The following DEDD2 variants were observed in gnomAD, a reference collection of about 807,000 sequenced individuals.
DEDD2 encodes death effector domain containing 2, also known as DNA-binding death effector domain-containing protein 2.
DEDD2 carries 18 observed loss-of-function variants against 28.9 expected under a neutral mutation model. The ratio of observed to expected loss-of-function variants is 0.62; its 90% CI spans 0.43 to 0.92. DEDD2 has a LOEUF of 0.92. Ranked by LOEUF, DEDD2 falls within the 40% of genes least tolerant of loss-of-function variation. The pLI is 0.00. For missense variants in DEDD2, 411 were observed against 463.3 expected (o/e 0.89, Z 1.04); for synonymous variants, 211 against 206.1 (o/e 1.02, Z -0.20).
intron 3 of DEDD2, among the ~76,000 whole-genome samples, chr19:42,213,401 T>C (rs2035842135): frequency 6.6e-6 from 1 of 152,176 alleles, no homozygotes; most frequent in Admixed American, 6.5e-5. Context: ...TGCCAAAGTA[T>C]CACCCCATAG....
upstream of DEDD2, chr19:42,220,099 G>T (rs2036102943): frequency 6.6e-6 from 1 of 152,262 alleles, no homozygotes; most frequent in South Asian, 2.1e-4. Flanking sequence ...TTTCTCTACA[G>T]AACTTGCCGA....
intron 4 of DEDD2, among the ~76,000 whole-genome samples, chr19:42,205,397 A>G (rs1349319657): frequency 1.3e-5 from 2 of 152,220 alleles, no homozygotes; most frequent in African/African-American, 4.8e-5. Flanking sequence ...TGGGAGGCCC[A>G]GGCGGGTGGA....
intron 3 of DEDD2, among the ~76,000 whole-genome samples, chr19:42,211,394 AG>A (rs1217183706): frequency 8.1e-5 from 11 of 136,554 alleles, no homozygotes; most frequent in Non-Finnish European, 1.2e-4. Flanking sequence ...GGGAGAAGGG[AG>A]AAGAAAAGGA....
At chr19:42,216,647 C>T in intron 2 of DEDD2, 33 bp downstream of exon 2, 1 of 1,516,626 alleles carries the variant, frequency 6.6e-7, no homozygotes, top group Non-Finnish European at 8.8e-7. Flanking sequence ...CCTTTCCTCC[C>T]AGGAAGTGTG....
chr19:42,208,839 G>A (rs958424765), intron 4 of DEDD2, among the ~76,000 whole-genome samples: 84 of 152,252 alleles, frequency 5.5e-4, no homozygotes, highest in East Asian at 7.7e-4. Flanking sequence ...CTCGTACAGC[G>A]TGTGCCGGGT....
chr19:42,203,004 T>C (rs371886142), intron 4 of DEDD2, among the ~76,000 whole-genome samples: 2 of 152,316 alleles, frequency 1.3e-5, no homozygotes, highest in East Asian at 3.9e-4. Flanking sequence ...ATACTTCACA[T>C]CTGCTGACCC....
At chr19:42,208,462 G>C (rs896975501) in intron 4 of DEDD2, among the ~76,000 whole-genome samples, 4 of 152,166 alleles carry the variant, frequency 2.6e-5, no homozygotes, top group Non-Finnish European at 5.9e-5. Flanking sequence ...GCACCTACTA[G>C]AAGCCCAGTG....
chr19:42,199,097 G>T lies in DEDD2; in HGVS notation c.*341C>A. 3.1e-6 allele frequency: 1 copy of T among 319,246 alleles called. No homozygotes were observed. Among genetic ancestry groups the T allele is most frequent in the Non-Finnish European group, 5.9e-6 (1 of 169,372 alleles). The allele number at this position is 319,246 out of a possible 1,614,324, so 19.8% of individuals were successfully genotyped here. A position where few individuals can be genotyped will look rare whatever the true frequency, so the allele number is the denominator to read the frequency against. ...TGAGCGAGTGTGTGCACCTGTGACA[G>T]TGCAGACAGCCCAAGATCAGAGATA... is the stretch of plus-strand genomic sequence containing the variant. On this transcript the variant is annotated 3_prime_UTR_variant, in exon 5 of 5. Coordinates refer to ENST00000596251, the MANE Select transcript of DEDD2 (RefSeq NM_133328.4). The surrounding 1 kb of genome is among the most constrained non-coding windows in gnomAD (Gnocchi z 7.4).
At chr19:42,214,112 T>C (rs1360915154) in intron 3 of DEDD2, among the ~76,000 whole-genome samples, 1 of 152,182 alleles carries the variant, frequency 6.6e-6, no homozygotes, top group African/African-American at 2.4e-5. Context: ...AAGTGGAAGA[T>C]GTTAACTGTA....
chr19:42,215,351 T>C, intron 2 of DEDD2, 99 bp from the exon 3 acceptor site: 1 of 1,477,420 alleles, frequency 6.8e-7, no homozygotes, highest in Non-Finnish European at 9.3e-7. Context: ...AGTTCCCCAG[T>C]AGTCAGAGCC....
At chr19:42,207,013 G>A (rs1367712094) in intron 4 of DEDD2, among the ~76,000 whole-genome samples, 2 of 152,056 alleles carry the variant, frequency 1.3e-5, no homozygotes, top group Admixed American at 6.5e-5. Flanking sequence ...TCCTCGCCTC[G>A]GGAAAGAGAC....
At chr19:42,205,583 C>T (rs539198480) in intron 4 of DEDD2, among the ~76,000 whole-genome samples, 4 of 152,014 alleles carry the variant, frequency 2.6e-5, no homozygotes, top group Non-Finnish European at 5.9e-5. Flanking sequence ...GCTGAGATCA[C>T]GTCATTGCAC....
intron 4 of DEDD2, among the ~76,000 whole-genome samples, chr19:42,204,747 G>C (rs1027568204): frequency 6.6e-6 from 1 of 151,830 alleles, no homozygotes; most frequent in African/African-American, 2.4e-5. Context: ...TCAGTGGAGA[G>C]ACCCCACCCC....
In DEDD2 at chr19:42,199,255, G is replaced by T; in HGVS notation, c.*183C>A. The T allele has an allele frequency of 1.1e-6, 1 of 933,848 alleles. No homozygotes were observed. The highest frequency in any genetic ancestry group is 1.5e-6 in the Non-Finnish European group (1 of 649,814). 57.8% of individuals were successfully genotyped at this position (933,848 alleles called of 1,614,324 possible). On this transcript the variant is annotated 3_prime_UTR_variant, in exon 5 of 5. Coordinates refer to ENST00000596251, the MANE Select transcript of DEDD2 (RefSeq NM_133328.4). This position sits in a 1 kb window ranked among gnomAD's most constrained non-coding sequence, Gnocchi z 7.4. ...GGAGTCTGGGAAGGAAACTCAGCTGGAAATGGTTTAGGCCTCAGAGCCCAC... is the reference window on the plus strand; with the variant it reads ...GGAGTCTGGGAAGGAAACTCAGCTGTAAATGGTTTAGGCCTCAGAGCCCAC...
At chr19:42,217,193 GAAT>G in intron 1 of DEDD2, 148 bp from the exon 2 acceptor site, 1 of 637,502 alleles carries the variant, frequency 1.6e-6, no homozygotes, top group Non-Finnish European at 2.7e-6. Context: ...CCCCGGGAGG[GAAT>G]GGTCCCGCCC....
chr19:42,214,053 C>T (rs1490083374), intron 3 of DEDD2, among the ~76,000 whole-genome samples: 1 of 152,174 alleles, frequency 6.6e-6, no homozygotes, highest in Non-Finnish European at 1.5e-5. Context: ...TCCAGAATTA[C>T]GTATACACAT....
intron 4 of DEDD2, among the ~76,000 whole-genome samples, chr19:42,200,659 G>A (rs1364002471): frequency 6.6e-6 from 1 of 152,222 alleles, no homozygotes; most frequent in Non-Finnish European, 1.5e-5. Flanking sequence ...ACTGTGCCAA[G>A]AGGAGAGAAG....
In DEDD2 at chr19:42,209,804, C is replaced by T. The variant is rs1289097973; in HGVS notation, c.485G>A (p.Gly162Asp). The T allele has an allele frequency of 6.4e-7, 1 of 1,568,276 alleles. No homozygotes were observed. Among genetic ancestry groups the T allele is most frequent in the Admixed American group, 2.0e-5 (1 of 50,860 alleles). ...CCGTCTGGCACCACCACTGGGCCGGCCCCGACTCCGCCGCTGCCGCTTGGT... is the reference window on the plus strand; with the variant it reads ...CCGTCTGGCACCACCACTGGGCCGGTCCCGACTCCGCCGCTGCCGCTTGGT... Reference protein sequence around the residue: ...PPTKRQRRSRGRPSGGARRRR... With the variant: ...PPTKRQRRSRDRPSGGARRRR... The change falls in exon 4 of 5, where the codon GGC becomes GAC. Residue 162 changes from glycine (G) to aspartate (D), a missense_variant. Gly to Asp is a moderately conservative substitution (Grantham distance 94). Coordinates refer to ENST00000596251, the MANE Select transcript of DEDD2 (RefSeq NM_133328.4).
chr19:42,210,579 G>A (rs2035717918), intron 3 of DEDD2, among the ~76,000 whole-genome samples: 1 of 151,754 alleles, frequency 6.6e-6, no homozygotes. Context: ...ATTTTAAGTA[G>A]AGATGGGTTT....
Sources: gnomAD v4.1 joint callset for allele counts (sites outside exome capture counted in the v4.1 genomes callset) on GRCh38, gnomAD v4.1.1 for gene constraint, Gnocchi (gnomAD v3.1) non-coding constraint, MANE v1.5 for transcripts, NCBI Gene and HGNC (gene_info 2026-07-23, HGNC 2026-07-21) for gene names.